ZNF407: variants seen among roughly 807,000 people sequenced by gnomAD.
ZNF407 encodes the protein zinc finger protein 407.
ZNF407 carries 17 observed loss-of-function variants against 131.2 expected under a neutral mutation model. That is an observed-to-expected ratio of 0.13 (90% confidence interval 0.09 to 0.19). The LOEUF (loss-of-function observed/expected upper bound fraction) is 0.19. Among genes scored for constraint, ZNF407 ranks in the 10% least tolerant of loss-of-function variants. The probability of loss-of-function intolerance (pLI) is 1.00; values close to 1 mark genes in which losing one functional copy is unlikely to be tolerated. For synonymous variants in ZNF407, 1,156 were observed against 1,062.0 expected (o/e 1.09, Z -1.72); for missense variants, 2,681 against 2,830.6 (o/e 0.95, Z 1.20).
chr18:74,732,445 G>A (rs1344416725), intron 3 of ZNF407, among the ~76,000 whole-genome samples: 1 of 152,114 alleles, frequency 6.6e-6, no homozygotes, highest in Non-Finnish European at 1.5e-5. Flanking sequence ...AGAAAAATAG[G>A]TGTTCTTTGT....
chr18:74,651,512 C>T (rs1985224398), intron 3 of ZNF407, among the ~76,000 whole-genome samples: 1 of 152,112 alleles, frequency 6.6e-6, no homozygotes, highest in African/African-American at 2.4e-5. Flanking sequence ...TTAAGCGAGA[C>T]TGTGTCATTA....
At chr18:74,607,551 T>A (rs1982863848) in intron 1 of ZNF407, among the ~76,000 whole-genome samples, 1 of 152,148 alleles carries the variant, frequency 6.6e-6, no homozygotes, top group Non-Finnish European at 1.5e-5. Flanking sequence ...TTGGAGCTAA[T>A]TCTGTTTGTC....
chr18:74,853,786 A>G (rs886870207), intron 4 of ZNF407, among the ~76,000 whole-genome samples: 3 of 152,126 alleles, frequency 2.0e-5, no homozygotes, highest in African/African-American at 4.8e-5. Context: ...TTAAGGAGAC[A>G]GTTTTCCAAG....
rs766341547 is a variant in ZNF407, at chr18:74,826,999, CCT to C, written c.4877+45498_4877+45499del. Among the ~76,000 whole-genome samples, 6 of 152,282 alleles carry C rather than the reference CCT, an allele frequency of 3.9e-5. No homozygotes were observed. In the South Asian group the frequency reaches 6.2e-4, roughly 16 times the overall value. ...GTCCAGAGACCCCATTCAGGTTTCC[CCT>C]GTCCCAGTAATCCCTTCACAGCAAA... On this transcript the variant is annotated intron_variant, in intron 4 of 8. Coordinates refer to ENST00000299687, the MANE Select transcript of ZNF407 (RefSeq NM_017757.3).
intron 1 of ZNF407, among the ~76,000 whole-genome samples, chr18:74,628,887 C>G (rs1324258695): frequency 2.6e-5 from 4 of 152,148 alleles, no homozygotes; most frequent in Non-Finnish European, 5.9e-5. Context: ...GCCGATACTT[C>G]ATTCTTTTTT....
intron 7 of ZNF407, among the ~76,000 whole-genome samples, chr18:74,910,877 C>T (rs1971660774): frequency 6.6e-6 from 1 of 151,452 alleles, no homozygotes; most frequent in African/African-American, 2.5e-5. Context: ...CGCAACACTG[C>T]AGGTGTTCTC....
intron 4 of ZNF407, among the ~76,000 whole-genome samples, chr18:74,829,505 G>A (rs967679938): frequency 3.9e-5 from 6 of 152,194 alleles, no homozygotes; most frequent in Non-Finnish European, 5.9e-5. Context: ...GACTTTCAAA[G>A]CAATGTTCAG....
chr18:74,910,517 TAA>T (rs1343820375), intron 7 of ZNF407, among the ~76,000 whole-genome samples: 3 of 152,128 alleles, frequency 2.0e-5, no homozygotes. Context: ...AACATTCACT[TAA>T]GTCTTTTTTT....
chr18:74,680,532 A>G (rs776655264), intron 3 of ZNF407, among the ~76,000 whole-genome samples: 9 of 152,200 alleles, frequency 5.9e-5, no homozygotes, highest in Non-Finnish European at 7.3e-5. Flanking sequence ...TAGAAAGTGA[A>G]AAGTGCTTAT....
intron 4 of ZNF407, among the ~76,000 whole-genome samples, chr18:74,819,014 G>A (rs898935665): frequency 6.6e-6 from 1 of 152,084 alleles, no homozygotes; most frequent in Non-Finnish European, 1.5e-5. Flanking sequence ...GCTTGTTTGT[G>A]ACATGTCTTT....
chr18:74,642,790 G>A (rs930951116), intron 3 of ZNF407, among the ~76,000 whole-genome samples: 6 of 152,112 alleles, frequency 3.9e-5, no homozygotes, highest in East Asian at 3.9e-4. Context: ...TGTCTTCAGA[G>A]AGAGAGCTAT....
chr18:75,025,829 C>T (rs372759731), intron 8 of ZNF407, among the ~76,000 whole-genome samples: 31 of 152,312 alleles, frequency 2.0e-4, no homozygotes, highest in Admixed American at 7.2e-4. Flanking sequence ...GCCAAGTGTG[C>T]GTGTTCCCCT....
intron 5 of ZNF407, among the ~76,000 whole-genome samples, chr18:74,879,413 G>A (rs1167920479): frequency 6.6e-6 from 1 of 152,004 alleles, no homozygotes; most frequent in African/African-American, 2.4e-5. Context: ...CCACGGACCC[G>A]CAACGAGGAA....
chr18:75,062,799 C>T lies in ZNF407; in HGVS notation c.5429-351C>T, dbSNP rs57453180. On this transcript the variant is annotated intron_variant, in intron 8 of 8. Coordinates refer to ENST00000299687, the MANE Select transcript of ZNF407 (RefSeq NM_017757.3). ...ACTTTACTTAGCACCCGTGACGGAA[C>T]GCATTGTTACAAAAGACATGATGGT... 2.8e-3 allele frequency: 537 copies of T among 194,454 alleles called. 3 individuals carry two copies. The highest frequency in any genetic ancestry group is 0.012 in the African/African-American group (510 of 42,466). The allele number at this position is 194,454 out of a possible 1,614,324, so 12.0% of individuals were successfully genotyped here.
At chr18:75,047,553 C>T (rs1199363601) in intron 8 of ZNF407, among the ~76,000 whole-genome samples, 1 of 152,136 alleles carries the variant, frequency 6.6e-6, no homozygotes, top group African/African-American at 2.4e-5. Flanking sequence ...TTTCCCTTCA[C>T]TTTCTGTGTG....
At chr18:74,943,337 T>G (rs1279819911) in intron 8 of ZNF407, among the ~76,000 whole-genome samples, 2 of 152,258 alleles carry the variant, frequency 1.3e-5, no homozygotes, top group Non-Finnish European at 2.9e-5. Flanking sequence ...CACATTGCAG[T>G]TCTCTTTCTT....
At chr18:75,011,808 G>A (rs1972977398) in intron 8 of ZNF407, among the ~76,000 whole-genome samples, 1 of 152,054 alleles carries the variant, frequency 6.6e-6, no homozygotes, top group Non-Finnish European at 1.5e-5. Context: ...AAATTATTGA[G>A]GCAAATTTGG....
intron 1 of ZNF407, among the ~76,000 whole-genome samples, chr18:74,623,210 ATG>A (rs1983628270): frequency 1.3e-5 from 2 of 150,496 alleles, no homozygotes; most frequent in South Asian, 4.2e-4. Context: ...GTCTGTGAAT[ATG>A]TGACTGCGTG....
Position 74,983,279 on chromosome 18 carries a change from T to C in ZNF407, c.5428+62587T>C, listed in dbSNP as rs540650810. 5.3e-5 allele frequency among the ~76,000 whole-genome samples: 8 copies of C among 152,308 alleles called. No individual in the cohort carries two copies. The South Asian group carries it at 6.2e-4, about 12-fold the overall frequency. On this transcript the variant is annotated intron_variant, in intron 8 of 8. Transcript: ENST00000299687. ...CTGCTAGAGGTCCCTTTTCCTGCCA[T>C]TGTGTTCTCACTTGGGGGTATGGCC...
Sources: allele counts gnomAD v4.1 joint callset (sites outside exome capture counted in the v4.1 genomes callset), GRCh38; gene constraint gnomAD v4.1.1; transcripts MANE v1.5; gene names NCBI Gene and HGNC (gene_info 2026-07-23, HGNC 2026-07-21).